Variants in DSCAM observed in about 807,000 individuals in gnomAD.
DSCAM encodes DS cell adhesion molecule, also known as cell adhesion molecule DSCAM.
DSCAM carries 47 observed loss-of-function variants against 217.7 expected under a neutral mutation model. That is an observed-to-expected ratio of 0.22 (90% CI 0.17 to 0.28). DSCAM has a LOEUF of 0.28. DSCAM is among the 10% of genes least tolerant of loss of function. DSCAM has a pLI of 1.00. For missense variants in DSCAM, 2,080 were observed against 2,618.3 expected, an observed-to-expected ratio of 0.79 and a Z score of 4.49; for synonymous variants, 1,056 against 1,015.3, an observed-to-expected ratio of 1.04 and a Z score of -0.76.
chr21:40,355,130 A>C (rs562846764), intron 4 of DSCAM, among the ~76,000 whole-genome samples: 2 of 152,220 alleles, frequency 1.3e-5, no homozygotes, highest in East Asian at 3.9e-4. Context: ...AATAAAGATA[A>C]TTTAGTTTGT....
At chr21:40,724,235 G>A (rs1336533797) in intron 1 of DSCAM, among the ~76,000 whole-genome samples, 1 of 152,200 alleles carries the variant, frequency 6.6e-6, no homozygotes, top group East Asian at 1.9e-4. Context: ...GATTTGGAAG[G>A]AGCAGAAGAC....
intron 1 of DSCAM, among the ~76,000 whole-genome samples, chr21:40,775,928 C>T (rs1048628628): frequency 9.9e-5 from 15 of 152,236 alleles, no homozygotes; most frequent in East Asian, 1.9e-4. Flanking sequence ...GTATTTCAGA[C>T]GACTGTAGTT....
At chr21:40,477,428 T>C (rs937481465) in intron 3 of DSCAM, among the ~76,000 whole-genome samples, 12 of 152,236 alleles carry the variant, frequency 7.9e-5, no homozygotes, top group African/African-American at 2.7e-4. Flanking sequence ...TTTTCTATAG[T>C]AGAAATTTGC....
intron 3 of DSCAM, among the ~76,000 whole-genome samples, chr21:40,627,072 G>A (rs1196677940): frequency 6.6e-6 from 1 of 152,198 alleles, no homozygotes; most frequent in Admixed American, 6.5e-5. Context: ...TTCTGACTGA[G>A]AGATACACCG....
At position 40,828,173 on chromosome 21, in the gene DSCAM, C is replaced by T. The variant is rs897769770; in HGVS notation, c.43+18446G>A. ...TTTGCAGCACTTTGGGAGGCTGAGG[C>T]GGGGGGACTGTTTGAGCCCAGGAGT... On this transcript the variant is annotated intron_variant, in intron 1 of 32. Coordinates refer to ENST00000400454, the MANE Select transcript of DSCAM (RefSeq NM_001389.5). 2.0e-5 allele frequency among the ~76,000 whole-genome samples: 3 copies of T among 151,892 alleles called. No individual in the cohort carries two copies. In the East Asian group the frequency reaches 5.8e-4, roughly 29 times the overall value.
intron 20 of DSCAM, among the ~76,000 whole-genome samples, chr21:40,106,806 C>T (rs1334458163): frequency 6.6e-6 from 1 of 151,988 alleles, no homozygotes; most frequent in African/African-American, 2.4e-5. Flanking sequence ...TCTGTGGGGC[C>T]AGTGGTAACA....
chr21:40,299,677 G>A (rs2073992858), intron 9 of DSCAM, among the ~76,000 whole-genome samples: 1 of 152,066 alleles, frequency 6.6e-6, no homozygotes, highest in South Asian at 2.1e-4. Flanking sequence ...CCAGGGCAGG[G>A]GAGTGTCTGA....
At chr21:40,632,190 A>G (rs2089700610) in intron 3 of DSCAM, among the ~76,000 whole-genome samples, 2 of 152,216 alleles carry the variant, frequency 1.3e-5, no homozygotes, top group Non-Finnish European at 2.9e-5. Flanking sequence ...TGAGCCTGTC[A>G]GAAATAGGAG....
chr21:40,744,533 A>T (rs2091155785), intron 1 of DSCAM, among the ~76,000 whole-genome samples: 1 of 152,184 alleles, frequency 6.6e-6, no homozygotes, highest in Non-Finnish European at 1.5e-5. Context: ...ACAATAGTAG[A>T]GTAGCAATTT....
chr21:40,626,139 T>C (rs1338612948), intron 3 of DSCAM, among the ~76,000 whole-genome samples: 2 of 152,194 alleles, frequency 1.3e-5, no homozygotes, highest in Admixed American at 6.5e-5. Flanking sequence ...AAGGCAGAGT[T>C]GGGAAATGCC....
intron 11 of DSCAM, among the ~76,000 whole-genome samples, chr21:40,211,574 T>C (rs565999420): frequency 5.3e-5 from 8 of 152,226 alleles, no homozygotes; most frequent in Non-Finnish European, 1.0e-4. Flanking sequence ...AAAATTTTTG[T>C]TGTTCTCATA....
chr21:40,737,597 C>T (rs1006853766), intron 1 of DSCAM, among the ~76,000 whole-genome samples: 2 of 152,188 alleles, frequency 1.3e-5, no homozygotes, highest in Non-Finnish European at 2.9e-5. Context: ...GCCGAGATTG[C>T]ACCACTTAAC....
intron 3 of DSCAM, among the ~76,000 whole-genome samples, chr21:40,513,461 G>T (rs533265480): frequency 2.0e-5 from 3 of 152,290 alleles, no homozygotes; most frequent in South Asian, 4.1e-4. Flanking sequence ...TGTACAAGAA[G>T]CATGGCACCA....
chr21:40,660,995 C>T (rs1341607866), intron 3 of DSCAM, among the ~76,000 whole-genome samples: 3 of 152,104 alleles, frequency 2.0e-5, no homozygotes, highest in African/African-American at 7.2e-5. Context: ...TAGTTTGAGC[C>T]CAAGCAAGGG....
Position 40,296,095 on chromosome 21 carries a change from C to G in DSCAM, c.2142G>C (p.Glu714Asp). 6.2e-7 allele frequency: 1 copy of G among 1,614,106 alleles called. No individual in the cohort carries two copies. The highest frequency in any genetic ancestry group is 8.5e-7 in the Non-Finnish European group (1 of 1,179,990). Reference protein sequence around the residue: ...GKAVILNCSAEGYPVPTIVWK... With the variant: ...GKAVILNCSADGYPVPTIVWK... ...ACACGATGGTAGGTACAGGGTAACC[C>G]TCAGCAGAACAATTGAGGATGACTG... The change falls in exon 10 of 33, where the codon GAG becomes GAC. Residue 714 changes from glutamate (E) to aspartate (D), a missense_variant. Transcript: ENST00000400454.
intron 14 of DSCAM, among the ~76,000 whole-genome samples, chr21:40,182,642 GGA>G (rs1366109734): frequency 4.7e-4 from 54 of 114,758 alleles, no homozygotes; most frequent in African/African-American, 2.0e-3. Flanking sequence ...ACCGTGGACA[GGA>G]GGGGGTTACC....
chr21:40,785,804 T>G (rs551144163), intron 1 of DSCAM, among the ~76,000 whole-genome samples: 2 of 152,214 alleles, frequency 1.3e-5, no homozygotes, highest in Admixed American at 6.5e-5. Flanking sequence ...CCTCAGAGAA[T>G]TTACAGTCCA....
intron 18 of DSCAM, 152 bp from the exon 19 acceptor site, chr21:40,134,161 C>T (rs1268574944): frequency 7.2e-6 from 7 of 977,180 alleles, no homozygotes; most frequent in African/African-American, 1.7e-5. Flanking sequence ...TGTGCACAGT[C>T]ATCCTGTGAG....
intron 19 of DSCAM, among the ~76,000 whole-genome samples, chr21:40,127,200 C>G (rs1480402512): frequency 5.3e-5 from 8 of 152,144 alleles, no homozygotes; most frequent in African/African-American, 7.2e-5. Context: ...CAAATAAGTT[C>G]TAGCTATCAT....
Sources: allele counts gnomAD v4.1 joint callset (sites outside exome capture counted in the v4.1 genomes callset), GRCh38; gene constraint gnomAD v4.1.1; transcripts MANE v1.5; gene names NCBI Gene and HGNC (gene_info 2026-07-23, HGNC 2026-07-21).